SLC2A9: variants seen among roughly 807,000 people sequenced by gnomAD.
SLC2A9 encodes the protein solute carrier family 2 member 9, also known as solute carrier family 2, facilitated glucose transporter member 9.
In SLC2A9, 39 loss-of-function variants were observed where a neutral mutation model predicts 50.6. The observed-to-expected ratio is 0.77, with a 90% CI of 0.60 to 1.01. The LOEUF is 1.01. Ranked by LOEUF, SLC2A9 falls within the 50% of genes least tolerant of loss-of-function variation. The probability of loss-of-function intolerance (pLI) is 0.00; values close to 1 mark genes in which losing one functional copy is unlikely to be tolerated. For synonymous variants in SLC2A9, 324 were observed against 276.9 expected, an observed-to-expected ratio of 1.17 and a Z score of -1.69; for missense variants, 686 against 677.6, an observed-to-expected ratio of 1.01 and a Z score of -0.14.
chr4:10,011,639 A>G lies in SLC2A9; in HGVS notation c.249+7336T>C, dbSNP rs569329211. ...TATGCAAATTAGCCCTAAATTTGGC[A>G]GTCTTTTACAATAACTTCAGGATGT... On this transcript the variant is annotated intron_variant, in intron 2 of 11. Transcript: ENST00000264784. Among the ~76,000 whole-genome samples the G allele has an allele frequency of 4.6e-5, 7 of 152,066 alleles. No individual in the cohort carries two copies. In the South Asian group the frequency reaches 1.5e-3, roughly 32 times the overall value.
chr4:9,826,747 G>A (rs991588551), intron 11 of SLC2A9, 147 bp from the exon 12 acceptor site: 4 of 754,272 alleles, frequency 5.3e-6, no homozygotes, highest in Non-Finnish European at 9.1e-6. Flanking sequence ...GCTCAATAAG[G>A]CAAGTGTACC....
intron 5 of SLC2A9, among the ~76,000 whole-genome samples, chr4:9,959,492 G>T (rs575289489): frequency 2.0e-5 from 3 of 150,902 alleles, no homozygotes; most frequent in East Asian, 1.9e-4. Flanking sequence ...GAATTTAAAA[G>T]TTCTATCATC....
chr4:9,976,675 G>A (rs1376689641), intron 5 of SLC2A9, among the ~76,000 whole-genome samples: 5 of 152,204 alleles, frequency 3.3e-5, no homozygotes, highest in African/African-American at 4.8e-5. Flanking sequence ...AGGAACCAAT[G>A]GTACACCTTT....
intron 6 of SLC2A9, among the ~76,000 whole-genome samples, chr4:9,934,775 T>C (rs909357491): frequency 1.3e-5 from 2 of 152,240 alleles, no homozygotes; most frequent in African/African-American, 4.8e-5. Context: ...AAGTCCTGCA[T>C]GCATTAGCTA....
chr4:9,904,159 T>C (rs1740191962), intron 8 of SLC2A9, among the ~76,000 whole-genome samples: 1 of 152,172 alleles, frequency 6.6e-6, no homozygotes, highest in Non-Finnish European at 1.5e-5. Context: ...ATTGCTGCTG[T>C]AGCGAGTTAC....
Position 9,985,777 on chromosome 4 carries a change from C to T in SLC2A9, c.427G>A (p.Ala143Thr). The T allele has an allele frequency of 1.7e-5, 28 of 1,614,006 alleles. No individual in the cohort carries two copies. Among genetic ancestry groups the T allele is most frequent in the Non-Finnish European group, 2.4e-5 (28 of 1,179,868 alleles). The change falls in exon 4 of 12, where the codon GCC (alanine) becomes ACC (threonine). Residue 143 changes from alanine (A) to threonine (T), a missense_variant. Physicochemically the swap from Ala to Thr is moderately conservative, Grantham distance 58 (BLOSUM62 0). Transcript: ENST00000264784. The part of the protein sequence containing the change: ...KVLGRKHTLL[A>T]NNGFAISAAL... ...GCAGAAATTGCAAACCCATTATTGG[C>T]CAGCAAAGTGTGCTTCCTGGAAAGA...
At chr4:9,791,881 G>A (rs1438583068) in intron 3 of SLC2A9, among the ~76,000 whole-genome samples, 14 of 152,178 alleles carry the variant, frequency 9.2e-5, no homozygotes, top group Admixed American at 8.5e-4. Flanking sequence ...AACACTTGCT[G>A]TTTTAAGCCG....
At position 10,032,217 on chromosome 4, in the gene SLC2A9, G is replaced by A. The variant is rs79863461; in HGVS notation, c.-40-6211C>T. 1.2e-4 allele frequency among the ~76,000 whole-genome samples: 18 copies of A among 152,308 alleles called. No homozygotes were observed. The East Asian group carries it at 2.1e-3, about 18-fold the overall frequency. On this transcript the variant is annotated intron_variant, in intron 1 of 12. Coordinates refer to the SLC2A9 transcript ENST00000309065. Reference sequence around the variant, plus strand: ...ACTCTAGAAAGCAGTGTAAGGTGATGAGAGAGGCAATATCAGGAAATTCTG... The same window carrying A: ...ACTCTAGAAAGCAGTGTAAGGTGATAAGAGAGGCAATATCAGGAAATTCTG...
At chr4:9,918,307 CTT>C (rs1429077271) in intron 7 of SLC2A9, among the ~76,000 whole-genome samples, 1 of 152,204 alleles carries the variant, frequency 6.6e-6, no homozygotes, top group East Asian at 1.9e-4. Flanking sequence ...TGGTAGCTCT[CTT>C]TGTCCCGTGA....
chr4:9,897,169 T>G (rs971484796), intron 8 of SLC2A9, among the ~76,000 whole-genome samples: 3 of 152,196 alleles, frequency 2.0e-5, no homozygotes, highest in African/African-American at 7.2e-5. Context: ...TTAACCTTTG[T>G]GTTCTACTTC....
chr4:9,991,710 CT>C (rs1578222503), intron 3 of SLC2A9, among the ~76,000 whole-genome samples: 1 of 152,092 alleles, frequency 6.6e-6, no homozygotes, highest in Non-Finnish European at 1.5e-5. Flanking sequence ...GATTGGTGTC[CT>C]TGTAAGAAGA....
At chr4:9,908,136 T>C in intron 8 of SLC2A9, 99 bp downstream of exon 8, 1 of 848,346 alleles carries the variant, frequency 1.2e-6, no homozygotes, top group South Asian at 1.3e-5. Flanking sequence ...TGATGAATTC[T>C]GATGGGGAAA....
At chr4:9,775,846 C>G (rs971592984), downstream of SLC2A9, among the ~76,000 whole-genome samples, 1 of 152,142 alleles carries the variant, frequency 6.6e-6, no homozygotes, top group Non-Finnish European at 1.5e-5. Context: ...CAAGGATGGC[C>G]TAATACACCA....
At chr4:10,030,375 T>C (rs1763901221) in intron 1 of SLC2A9, among the ~76,000 whole-genome samples, 1 of 152,218 alleles carries the variant, frequency 6.6e-6, no homozygotes, top group Non-Finnish European at 1.5e-5. Flanking sequence ...ATACTCTGTA[T>C]GATACTATAA....
rs759963973 is a variant in SLC2A9, at chr4:10,021,390, G to A, written c.40C>T (p.Leu14=). 20 of 1,614,118 alleles carry A rather than the reference G, an allele frequency of 1.2e-5. No homozygotes were observed. The highest frequency in any genetic ancestry group is 4.5e-5 in the East Asian group (2 of 44,890). ...CTGGTGTCATCTGTGAGGGGAACTA[G>A]GCCCAGTTCCTTGGAATTCCTATTT... The part of the protein sequence containing the change: ...KQNRNSKELG[L]VPLTDDTSHA... The change falls in exon 1 of 12, where the codon CTA becomes TTA. Residue 14 remains leucine, a synonymous_variant. Coordinates refer to ENST00000264784, the MANE Select transcript of SLC2A9 (RefSeq NM_020041.3).
At chr4:9,923,257 A>G (rs1744256781) in intron 6 of SLC2A9, among the ~76,000 whole-genome samples, 1 of 152,212 alleles carries the variant, frequency 6.6e-6, no homozygotes, top group African/African-American at 2.4e-5. Flanking sequence ...TGTAAGGTAC[A>G]TGGATGTGCT....
chr4:9,940,116 G>A (rs551722553), intron 6 of SLC2A9, among the ~76,000 whole-genome samples: 5 of 152,166 alleles, frequency 3.3e-5, no homozygotes, highest in African/African-American at 9.7e-5. Context: ...AGAGCCAGAG[G>A]GGGTGCGGGT....
chr4:9,959,055 ATATGTG>A (rs996086881), intron 5 of SLC2A9, among the ~76,000 whole-genome samples: 1 of 152,082 alleles, frequency 6.6e-6, no homozygotes, highest in African/African-American at 2.4e-5. Context: ...AAATTGTACT[ATATGTG>A]TATTGGTAGG....
chr4:9,890,540 C>G, intron 9 of SLC2A9, 70 bp downstream of exon 9: 1 of 1,437,160 alleles, frequency 7.0e-7, no homozygotes, highest in Non-Finnish European at 9.8e-7. Context: ...AATCAAAGGC[C>G]CCAAAACGAT....
Sources: allele counts gnomAD v4.1 joint callset (sites outside exome capture counted in the v4.1 genomes callset), GRCh38; gene constraint gnomAD v4.1.1; transcripts MANE v1.5; gene names NCBI Gene and HGNC (gene_info 2026-07-23, HGNC 2026-07-21).